LOXHD1: variants seen among roughly 807,000 people sequenced by gnomAD.
LOXHD1 encodes lipoxygenase homology PLAT domains 1, also known as lipoxygenase homology domain-containing protein 1.
A neutral mutation model predicts 248.2 loss-of-function variants in LOXHD1; 205 were observed. The observed-to-expected ratio is 0.83, with a 90% confidence interval of 0.74 to 0.93. The LOEUF is 0.93. LOXHD1 is among the 40% of genes least tolerant of loss of function. The pLI is 0.00. For synonymous variants in LOXHD1, 1,113 were observed against 1,162.8 expected, an observed-to-expected ratio of 0.96 and a Z score of 0.87; for missense variants, 2,930 against 2,971.6, an observed-to-expected ratio of 0.99 and a Z score of 0.33.
intron 14 of LOXHD1, among the ~76,000 whole-genome samples, chr18:46,573,900 G>C (rs2037804576): frequency 6.6e-6 from 1 of 152,132 alleles, no homozygotes; most frequent in African/African-American, 2.4e-5. Flanking sequence ...TCCAAGACAT[G>C]AGCATGCAAT....
intron 12 of LOXHD1, among the ~76,000 whole-genome samples, chr18:46,586,506 C>T (rs2038063737): frequency 1.3e-5 from 2 of 152,266 alleles, no homozygotes; most frequent in African/African-American, 4.8e-5. Flanking sequence ...AGTGCAATGG[C>T]GCGATCTCCG....
intron 6 of LOXHD1, among the ~76,000 whole-genome samples, chr18:46,605,846 T>C (rs78961035): frequency 0.012 from 1,793 of 152,274 alleles, 42 homozygotes; most frequent in East Asian, 0.073. Context: ...ACCTTGACTA[T>C]TGTCAGATAC....
rs560611120 is a variant in LOXHD1 at position 46,557,364 on chromosome 18, G to T, written c.3342C>A (p.Asn1114Lys). ...ACTGCCCCCACACTCACGTGATCTC[G>T]TTGTTCATGTCAGTAATGTCTATTC... The part of the protein sequence containing the change: ...LDRIDITDMN[N>K]EITYYFPCQR... Residue 1114 changes from asparagine (N) to lysine (K), a missense_variant, in exon 21 of 41, where the codon AAC becomes AAA. Physicochemically the swap from Asn to Lys is moderately conservative, Grantham distance 94. Coordinates refer to ENST00000642948, the MANE Select transcript of LOXHD1 (RefSeq NM_001384474.1). 1.3e-6 allele frequency: 2 copies of T among 1,552,122 alleles called. No homozygotes were observed. Among genetic ancestry groups the T allele is most frequent in the Admixed American group, 2.0e-5 (1 of 50,978 alleles).
intron 40 of LOXHD1, among the ~76,000 whole-genome samples, chr18:46,480,616 C>T (rs1200448013): frequency 6.6e-6 from 1 of 152,098 alleles, no homozygotes; most frequent in Non-Finnish European, 1.5e-5. Context: ...TTTGGAAGGA[C>T]ACTCAGCGGG....
chr18:46,607,303 T>A (rs2038430030), intron 6 of LOXHD1, among the ~76,000 whole-genome samples: 1 of 150,822 alleles, frequency 6.6e-6, no homozygotes, highest in South Asian at 2.1e-4. Context: ...ATATATATGG[T>A]GTCATATATA....
At chr18:46,531,211 G>C (rs998155308) in intron 28 of LOXHD1, among the ~76,000 whole-genome samples, 4 of 151,562 alleles carry the variant, frequency 2.6e-5, no homozygotes, top group African/African-American at 9.7e-5. Flanking sequence ...AGAAACCAGG[G>C]ACCAGCCACA....
rs749667545 is a variant in LOXHD1, at chr18:46,538,272, A to T, written c.3979T>A (p.Phe1327Ile). 4.1e-5 allele frequency: 64 copies of T among 1,551,396 alleles called. No individual in the cohort carries two copies. In the African/African-American group the frequency reaches 6.7e-4, roughly 16 times the overall value. ...GCATCGCAGCCATAGATGATGATGA[A>T]GATGTTGGCATCTGTCCCAGCAGCA... ...VFAAGTDANI[F>I]IIIYGCDAVC... The change falls in exon 26 of 41, where the codon TTC becomes ATC. Residue 1327 changes from phenylalanine (F) to isoleucine (I), a missense_variant. Physicochemically the swap from Phe to Ile is conservative, Grantham distance 21. Coordinates refer to ENST00000642948, the MANE Select transcript of LOXHD1 (RefSeq NM_001384474.1).
chr18:46,610,372 G>A (rs572584613), intron 6 of LOXHD1, among the ~76,000 whole-genome samples: 23 of 151,574 alleles, frequency 1.5e-4, no homozygotes, highest in African/African-American at 1.9e-4. Flanking sequence ...GACACAGGGC[G>A]GGGAACATCA....
At chr18:46,615,051 T>C (rs571510073) in intron 5 of LOXHD1, among the ~76,000 whole-genome samples, 1 of 152,332 alleles carries the variant, frequency 6.6e-6, no homozygotes, top group East Asian at 1.9e-4. Flanking sequence ...CTTTTTAGGA[T>C]GCTGAGATGA....
At chr18:46,612,145 G>T (rs1329815563) in intron 5 of LOXHD1, among the ~76,000 whole-genome samples, 1 of 152,138 alleles carries the variant, frequency 6.6e-6, no homozygotes, top group Admixed American at 6.5e-5. Context: ...TCTACTGATG[G>T]ACATTTAGGT....
chr18:46,595,384 TGGC>T (rs1294206459), intron 8 of LOXHD1, among the ~76,000 whole-genome samples: 1 of 152,190 alleles, frequency 6.6e-6, no homozygotes, highest in Non-Finnish European at 1.5e-5. Flanking sequence ...AGATAAATGA[TGGC>T]TCAGGACCAC....
chr18:46,652,883 G>A (rs1389816124), intron 1 of LOXHD1, among the ~76,000 whole-genome samples: 2 of 152,220 alleles, frequency 1.3e-5, no homozygotes, highest in Non-Finnish European at 1.5e-5. Flanking sequence ...TGTGTCACAC[G>A]TGGATAAATC....
intron 28 of LOXHD1, among the ~76,000 whole-genome samples, chr18:46,530,234 T>G (rs1023799413): frequency 1.3e-5 from 2 of 152,044 alleles, no homozygotes; most frequent in African/African-American, 4.8e-5. Context: ...GTGGCCAAAG[T>G]GGAAGGAAGG....
At chr18:46,528,369 G>A (rs1455258608) in intron 29 of LOXHD1, among the ~76,000 whole-genome samples, 2 of 152,112 alleles carry the variant, frequency 1.3e-5, no homozygotes, top group Non-Finnish European at 2.9e-5. Flanking sequence ...ACTGGGAGGA[G>A]TAGAGGCGGG....
At chr18:46,560,615 C>T (rs764310226) in intron 18 of LOXHD1, 70 bp from the exon 19 acceptor site, 21 of 1,374,900 alleles carry the variant, frequency 1.5e-5, no homozygotes, top group Non-Finnish European at 2.0e-5. Flanking sequence ...CACCCCCGCC[C>T]AACAAAGAGC....
Position 46,506,008 on chromosome 18 carries a change from G to A in LOXHD1, c.5708C>T (p.Ala1903Val). The A allele has an allele frequency of 6.4e-7, 1 of 1,552,190 alleles. No homozygotes were observed. Among genetic ancestry groups the A allele is most frequent in the Non-Finnish European group, 8.7e-7 (1 of 1,147,090 alleles). ...TSDILGAGTDANVFIIIFGEN... is the reference protein window; with the variant it reads ...TSDILGAGTDVNVFIIIFGEN... ...CCCGAAGATGATGATGAACACGTTG[G>A]CATCAGTGCCTGCTCCTGGGGGGTG... The change falls in exon 37 of 41, where the codon GCC becomes GTC. Residue 1903 changes from alanine (A) to valine (V), a missense_variant. By Grantham distance (64) the Ala-to-Val change is moderately conservative. Transcript: ENST00000642948.
chr18:46,589,145 G>C (rs1206274359), intron 12 of LOXHD1, among the ~76,000 whole-genome samples: 1 of 152,220 alleles, frequency 6.6e-6, no homozygotes, highest in Non-Finnish European at 1.5e-5. Context: ...CATGAATGCA[G>C]GTTGTTGGCA....
At chr18:46,508,781 G>A (rs1312055711) in intron 35 of LOXHD1, among the ~76,000 whole-genome samples, 1 of 152,192 alleles carries the variant, frequency 6.6e-6, no homozygotes, top group Non-Finnish European at 1.5e-5. Context: ...GGCTCCTCCT[G>A]GCTGCCAGGG....
At chr18:46,651,796 G>C (rs1055499940) in intron 1 of LOXHD1, among the ~76,000 whole-genome samples, 4 of 151,980 alleles carry the variant, frequency 2.6e-5, no homozygotes, top group African/African-American at 9.7e-5. Flanking sequence ...CAATCAATAA[G>C]TAAAGGAGGG....
Sources: allele counts gnomAD v4.1 joint callset (sites outside exome capture counted in the v4.1 genomes callset), GRCh38; gene constraint gnomAD v4.1.1; transcripts MANE v1.5; gene names NCBI Gene and HGNC (gene_info 2026-07-23, HGNC 2026-07-21).